Variants in EXT1 observed in about 807,000 individuals in gnomAD.
EXT1 encodes the protein exostosin glycosyltransferase 1.
EXT1 carries 20 observed loss-of-function variants against 82.5 expected under a neutral mutation model. That is an observed-to-expected ratio of 0.24 (90% CI 0.17 to 0.35). The LOEUF (loss-of-function observed/expected upper bound fraction) is 0.35, where lower values mean the gene tolerates loss of function less well. EXT1 is among the 10% of genes least tolerant of loss of function. The pLI, the probability that EXT1 is intolerant of heterozygous loss-of-function variation, is 1.00. For synonymous variants in EXT1, 348 were observed against 350.8 expected, an observed-to-expected ratio of 0.99 and a Z score of 0.09; for missense variants, 757 against 936.5, an observed-to-expected ratio of 0.81 and a Z score of 2.50.
chr8:117,816,523 A>G (rs137864895), intron 7 of EXT1, among the ~76,000 whole-genome samples: 61 of 152,280 alleles, frequency 4.0e-4, no homozygotes, highest in Non-Finnish European at 7.8e-4. Context: ...CATAGGAAGA[A>G]CCCAGCCCAC....
chr8:117,931,813 A>G (rs1814066410), intron 1 of EXT1, among the ~76,000 whole-genome samples: 2 of 152,284 alleles, frequency 1.3e-5, no homozygotes, highest in Non-Finnish European at 2.9e-5. Context: ...CAAGGTTTCT[A>G]TTGCAGCTAA....
At chr8:117,993,636 T>A (rs1010518934) in intron 1 of EXT1, among the ~76,000 whole-genome samples, 2 of 152,216 alleles carry the variant, frequency 1.3e-5, no homozygotes, top group African/African-American at 4.8e-5. Flanking sequence ...GTTCTGTTCA[T>A]ATCAAATATG....
chr8:117,882,110 C>T (rs1212861297), intron 1 of EXT1, among the ~76,000 whole-genome samples: 2 of 152,184 alleles, frequency 1.3e-5, no homozygotes, highest in Non-Finnish European at 2.9e-5. Context: ...TAGACAGGTT[C>T]TCACTCTGTC....
chr8:117,873,478 CAG>C lies in EXT1; in HGVS notation c.963-36279_963-36278del, dbSNP rs568944685. ...TTTTTTTTTTTTTTTTTTTTTGAGA[CAG>C]GGTATTGCTCTGTCACCCAGGCTGG... On this transcript the variant is annotated intron_variant, in intron 1 of 10. Transcript: ENST00000378204. Among the ~76,000 whole-genome samples, 155 of 99,822 alleles carry C rather than the reference CAG, an allele frequency of 1.6e-3. 6 individuals are homozygous for C. The South Asian group carries it at 0.05, about 32-fold the overall frequency. 65.5% of individuals were successfully genotyped at this position (99,822 alleles called of 152,430 possible).
At chr8:117,915,884 C>CAAAACAAAAT (rs1554585729) in intron 1 of EXT1, among the ~76,000 whole-genome samples, 1 of 151,922 alleles carries the variant, frequency 6.6e-6, no homozygotes, top group Non-Finnish European at 1.5e-5. Flanking sequence ...CAAAACAAAA[C>CAAAACAAAAT]AAAACAAAAC....
intron 10 of EXT1, among the ~76,000 whole-genome samples, chr8:117,800,541 C>T (rs1823151709): frequency 6.6e-6 from 1 of 152,176 alleles, no homozygotes. Flanking sequence ...GACGTGACTC[C>T]ATGAGGATGA....
At chr8:117,935,777 C>CT (rs1304331289) in intron 1 of EXT1, among the ~76,000 whole-genome samples, 11 of 152,056 alleles carry the variant, frequency 7.2e-5, no homozygotes, top group African/African-American at 2.4e-4. Flanking sequence ...TTTTGGAGCT[C>CT]TGTAATAGTC....
chr8:118,060,146 A>G (rs1213478220), intron 1 of EXT1, among the ~76,000 whole-genome samples: 1 of 152,214 alleles, frequency 6.6e-6, no homozygotes, highest in Non-Finnish European at 1.5e-5. Flanking sequence ...AAAATGAGTA[A>G]GTGACTTCTT....
chr8:118,003,982 T>G (rs1245525205), intron 1 of EXT1, among the ~76,000 whole-genome samples: 1 of 152,222 alleles, frequency 6.6e-6, no homozygotes, highest in African/African-American at 2.4e-5. Context: ...GAATCAAAAC[T>G]TATTCAATAA....
Position 117,822,485 on chromosome 8 carries a change from G to A in EXT1, c.1397C>T (p.Pro466Leu), listed in dbSNP as rs2129749094. The A allele has an allele frequency of 6.2e-7, 1 of 1,613,308 alleles. No homozygotes were observed. The highest frequency in any genetic ancestry group is 8.5e-7 in the Non-Finnish European group (1 of 1,179,752). ...CTTACCTAAATTAGCATAGTAGTAA[G>A]GAAAATCTCCCAGATAAGATGAATA... Reference protein sequence around the residue: ...PQYSSYLGDFPYYYANLGLKP... With the variant: ...PQYSSYLGDFLYYYANLGLKP... The change falls in exon 5 of 11, where the codon CCT becomes CTT. Residue 466 changes from proline (P) to leucine (L), a missense_variant. Around this residue, in one of 4 missense-constraint regions of EXT1, gnomAD observed 207 missense variants for 224.2 expected, o/e 0.92. Coordinates refer to ENST00000378204, the MANE Select transcript of EXT1 (RefSeq NM_000127.3).
Position 118,110,968 on chromosome 8 carries a change from G to T in EXT1, c.79C>A (p.Gln27Lys). Reference protein sequence around the residue: ...LALLFYFGGLQFRASRSHSRR... With the variant: ...LALLFYFGGLKFRASRSHSRR... ...CTGTGGCTCCTCGATGCCCTAAACT[G>T]CAAGCCTCCGAAATAAAACAAAAGG... Residue 27 changes from glutamine to lysine, a missense_variant, in exon 1 of 11, where the codon CAG becomes AAG. Coordinates refer to ENST00000378204, the MANE Select transcript of EXT1 (RefSeq NM_000127.3). The T allele has an allele frequency of 6.2e-7, 1 of 1,611,414 alleles. No homozygotes were observed.
In EXT1 at chr8:118,111,246, G is replaced by A; in HGVS notation, c.-200C>T. 1.3e-6 allele frequency: 1 copy of A among 767,688 alleles called. No individual in the cohort carries two copies. The highest frequency in any genetic ancestry group is 1.7e-5 in the South Asian group (1 of 59,704). 47.6% of individuals were successfully genotyped at this position (767,688 alleles called of 1,614,324 possible). Reference sequence around the variant, plus strand: ...CGATTTCTTTAACTTTCTCCCCTTCGGTCTTTCATCTTTGGGTTGCACAAT... The same window carrying A: ...CGATTTCTTTAACTTTCTCCCCTTCAGTCTTTCATCTTTGGGTTGCACAAT... On this transcript the variant is annotated 5_prime_UTR_variant, in exon 1 of 11. The change creates a premature stop within an existing upstream ORF in the 5' untranslated region. Transcript: ENST00000378204.
chr8:117,965,769 T>C (rs1411341330), intron 1 of EXT1, among the ~76,000 whole-genome samples: 1 of 152,176 alleles, frequency 6.6e-6, no homozygotes, highest in Non-Finnish European at 1.5e-5. Flanking sequence ...TTCTTAGAAT[T>C]AGAAAAAATA....
At chr8:117,973,981 G>GGAAA (rs1815015681) in intron 1 of EXT1, among the ~76,000 whole-genome samples, 2 of 150,040 alleles carry the variant, frequency 1.3e-5, no homozygotes. Flanking sequence ...AAGGAAGGAA[G>GGAAA]GAAGGAAATA....
chr8:117,897,101 T>C (rs1375068574), intron 1 of EXT1, among the ~76,000 whole-genome samples: 1 of 152,210 alleles, frequency 6.6e-6, no homozygotes, highest in Non-Finnish European at 1.5e-5. Context: ...GGTTAAGGAC[T>C]GTGTTTCTAA....
At chr8:117,856,030 A>C (rs1020843827) in intron 1 of EXT1, among the ~76,000 whole-genome samples, 2 of 152,324 alleles carry the variant, frequency 1.3e-5, no homozygotes, top group Middle Eastern at 6.8e-3. Flanking sequence ...GAATGTTGAA[A>C]GGCATGACAG....
chr8:117,974,946 C>T (rs1439619578), intron 1 of EXT1, among the ~76,000 whole-genome samples: 4 of 152,218 alleles, frequency 2.6e-5, no homozygotes, highest in Non-Finnish European at 5.9e-5. Flanking sequence ...CCCTGGCTCC[C>T]ACCATATAAA....
intron 1 of EXT1, among the ~76,000 whole-genome samples, chr8:117,892,569 A>G (rs1331014072): frequency 1.3e-5 from 2 of 152,224 alleles, no homozygotes; most frequent in African/African-American, 4.8e-5. Flanking sequence ...GGAAAGCCAC[A>G]GAGGATTTTG....
chr8:117,797,459 G>A lies in EXT1; in HGVS notation c.*2253C>T, dbSNP rs1323416980. On this transcript the variant is annotated 3_prime_UTR_variant, in exon 11 of 11. Transcript: ENST00000378204. ...GCAAAGCAGGTCCTTGAATCCACTT[G>A]TGTGACTGACTGGTACAATTAGGGA... The A allele has an allele frequency of 1.3e-5, 2 of 152,236 alleles. No homozygotes were observed. Among genetic ancestry groups the A allele is most frequent in the African/African-American group, 4.8e-5 (2 of 41,470 alleles). 9.4% of individuals were successfully genotyped at this position (152,236 alleles called of 1,614,324 possible). A position where few individuals can be genotyped will look rare whatever the true frequency, so the allele number is the denominator to read the frequency against.
Sources: gnomAD v4.1 joint callset for allele counts (sites outside exome capture counted in the v4.1 genomes callset) on GRCh38, gnomAD v4.1.1 for gene constraint, gnomAD v4.1.1 regional missense constraint, MANE v1.5 for transcripts, NCBI Gene and HGNC (gene_info 2026-07-23, HGNC 2026-07-21) for gene names.